HSPA12A: variants seen among roughly 807,000 people sequenced by gnomAD.
The protein encoded by HSPA12A is heat shock 70 kDa protein 12A.
A neutral mutation model predicts 69.2 loss-of-function variants in HSPA12A; 28 were observed. The ratio of observed to expected loss-of-function variants is 0.40; its 90% CI spans 0.30 to 0.55. The LOEUF is 0.55. Among genes scored for constraint, HSPA12A ranks in the 20% least tolerant of loss-of-function variants. The pLI, the probability that HSPA12A is intolerant of heterozygous loss-of-function variation, is 0.38. For missense variants in HSPA12A, 686 were observed against 900.7 expected (o/e 0.76, Z 3.05); for synonymous variants, 345 against 370.5 (o/e 0.93, Z 0.79).
intron 2 of HSPA12A, among the ~76,000 whole-genome samples, chr10:116,785,307 C>T (rs1232930687): frequency 6.6e-6 from 1 of 152,058 alleles, no homozygotes; most frequent in Non-Finnish European, 1.5e-5. Flanking sequence ...CGGGAACGTT[C>T]TGGCCACCAC....
intron 2 of HSPA12A, among the ~76,000 whole-genome samples, chr10:116,823,599 A>G (rs1166587317): frequency 2.0e-5 from 3 of 152,222 alleles, no homozygotes; most frequent in Admixed American, 2.0e-4. Flanking sequence ...AAACCCTCAC[A>G]TGTATAGTCA....
Position 116,675,113 on chromosome 10 carries a change from C to A in HSPA12A, c.1696G>T (p.Asp566Tyr). 6.2e-7 allele frequency: 1 copy of A among 1,613,870 alleles called. No individual in the cohort carries two copies. The highest frequency in any genetic ancestry group is 8.5e-7 in the Non-Finnish European group (1 of 1,180,000). The change falls in exon 12 of 12, where the codon GAC (aspartate) becomes TAC (tyrosine). Residue 566 changes from aspartate (D) to tyrosine (Y), a missense_variant. Asp to Tyr is a radical substitution (Grantham distance 160). Transcript: ENST00000369209. This position sits in a 1 kb window ranked among gnomAD's most constrained non-coding sequence, Gnocchi z 5.2. ...LVKDGTRWCT[D>Y]VFDKFISADQ... ...GCAGAGATGAACTTGTCAAAGACGT[C>A]GGTGCACCACCGAGTGCCATCCTTC...
chr10:116,827,112 A>G (rs979514902), intron 2 of HSPA12A, among the ~76,000 whole-genome samples: 2 of 152,230 alleles, frequency 1.3e-5, no homozygotes, highest in African/African-American at 4.8e-5. Context: ...CACACTGGGG[A>G]AAAACTGAGC....
At chr10:116,682,019 G>A (rs1470515355) in intron 7 of HSPA12A, 142 bp from the exon 8 acceptor site, 5 of 682,762 alleles carry the variant, frequency 7.3e-6, no homozygotes, top group African/African-American at 3.6e-5. Context: ...TCAATACGAT[G>A]TCGGGAATCA....
chr10:116,827,259 CCCA>C (rs922932887), intron 2 of HSPA12A, among the ~76,000 whole-genome samples: 5 of 152,194 alleles, frequency 3.3e-5, no homozygotes, highest in Non-Finnish European at 7.3e-5. Context: ...TCCAAATTCC[CCCA>C]CCAATGGAGA....
At chr10:116,715,548 G>A (rs1242544124) in intron 1 of HSPA12A, among the ~76,000 whole-genome samples, 1 of 152,200 alleles carries the variant, frequency 6.6e-6, no homozygotes, top group Non-Finnish European at 1.5e-5. Flanking sequence ...GCAGGAGAGG[G>A]AAGGGGCAGG....
intron 2 of HSPA12A, chr10:116,832,628 T>G (rs891229694): frequency 1.3e-5 from 2 of 152,222 alleles, no homozygotes; most frequent in East Asian, 1.9e-4. Flanking sequence ...AAATATGTCC[T>G]GTGCACCTTC....
At chr10:116,704,736 G>A (rs1850189978) in intron 3 of HSPA12A, among the ~76,000 whole-genome samples, 1 of 152,198 alleles carries the variant, frequency 6.6e-6, no homozygotes, top group Admixed American at 6.5e-5. Context: ...GGGAGGTATT[G>A]TCAGGATTCC....
chr10:116,706,414 A>G (rs1407551077), intron 2 of HSPA12A, among the ~76,000 whole-genome samples: 1 of 152,100 alleles, frequency 6.6e-6, no homozygotes, highest in Non-Finnish European at 1.5e-5. Context: ...CAACCCTCCC[A>G]GTTTGCCCAG....
intron 5 of HSPA12A, among the ~76,000 whole-genome samples, chr10:116,694,342 C>T (rs1305800803): frequency 6.6e-6 from 1 of 152,202 alleles, no homozygotes; most frequent in Non-Finnish European, 1.5e-5. Context: ...CTCCAGCCAG[C>T]CCCTGGCAAG....
At chr10:116,722,552 G>C (rs1554884520) in intron 1 of HSPA12A, among the ~76,000 whole-genome samples, 1 of 152,142 alleles carries the variant, frequency 6.6e-6, no homozygotes, top group East Asian at 1.9e-4. Context: ...GTATGACCCA[G>C]AAGTTCATCA....
chr10:116,722,405 G>A (rs565631752), intron 1 of HSPA12A, among the ~76,000 whole-genome samples: 190 of 152,306 alleles, frequency 1.2e-3, no homozygotes, highest in African/African-American at 4.3e-3. Flanking sequence ...ACCAACCCTT[G>A]TCTCCCTGCC....
chr10:116,735,521 A>T (rs782270151), intron 1 of HSPA12A, among the ~76,000 whole-genome samples: 23 of 152,148 alleles, frequency 1.5e-4, no homozygotes, highest in Non-Finnish European at 3.2e-4. Context: ...AGGATAAAAG[A>T]CCATGTGGAG....
chr10:116,802,301 C>T (rs1327952094), intron 2 of HSPA12A, among the ~76,000 whole-genome samples: 1 of 152,180 alleles, frequency 6.6e-6, no homozygotes, highest in Non-Finnish European at 1.5e-5. Context: ...ATAAGGAAAG[C>T]AGCCCTGCAG....
At chr10:116,830,692 G>A (rs1681724) in intron 2 of HSPA12A, 141,664 of 152,168 alleles carry the variant, frequency 0.93, 66,749 homozygotes, top group East Asian at 1. Flanking sequence ...AGGATCCCTC[G>A]AGCCTGGGAG....
At chr10:116,705,960 A>G (rs1463378270) in intron 2 of HSPA12A, among the ~76,000 whole-genome samples, 2 of 147,754 alleles carry the variant, frequency 1.4e-5, no homozygotes, top group Non-Finnish European at 3.0e-5. Context: ...CAGTGGCCCA[A>G]TCTCGGCTCA....
chr10:116,816,445 C>A (rs1226441507), intron 2 of HSPA12A, among the ~76,000 whole-genome samples: 1 of 152,242 alleles, frequency 6.6e-6, no homozygotes, highest in African/African-American at 2.4e-5. Flanking sequence ...CACTCTTCAC[C>A]TTTTCTCCGA....
At chr10:116,712,555 C>A (rs1352902477) in intron 1 of HSPA12A, among the ~76,000 whole-genome samples, 5 of 152,110 alleles carry the variant, frequency 3.3e-5, no homozygotes, top group Admixed American at 6.5e-5. Flanking sequence ...AAAATTCAGA[C>A]ACAATTTTAT....
intron 1 of HSPA12A, among the ~76,000 whole-genome samples, chr10:116,740,136 G>A (rs1255503859): frequency 6.6e-6 from 1 of 152,198 alleles, no homozygotes; most frequent in Non-Finnish European, 1.5e-5. Flanking sequence ...CATAAGGGCT[G>A]TATGCACAGG....
Sources: allele counts gnomAD v4.1 joint callset (sites outside exome capture counted in the v4.1 genomes callset), GRCh38; gene constraint gnomAD v4.1.1; non-coding constraint Gnocchi (gnomAD v3.1); transcripts MANE v1.5; gene names NCBI Gene and HGNC (gene_info 2026-07-23, HGNC 2026-07-21).